Variants in DYNC2H1 observed in about 807,000 individuals in gnomAD.
DYNC2H1 encodes the protein cytoplasmic dynein 2 heavy chain 1.
In DYNC2H1, 410 loss-of-function variants were observed where a neutral mutation model predicts 570.0. That is an observed-to-expected ratio of 0.72 (90% confidence interval 0.66 to 0.78). The LOEUF (loss-of-function observed/expected upper bound fraction) is 0.78. Among genes scored for constraint, DYNC2H1 ranks in the 30% least tolerant of loss-of-function variants. DYNC2H1 has a pLI of 0.00. For missense variants in DYNC2H1, 4,865 were observed against 5,046.4 expected (o/e 0.96, Z 1.09); for synonymous variants, 1,688 against 1,677.6 (o/e 1.01, Z -0.15).
intron 83 of DYNC2H1, among the ~76,000 whole-genome samples, chr11:103,379,489 C>G (rs1305967275): frequency 6.6e-6 from 1 of 152,036 alleles, no homozygotes; most frequent in East Asian, 1.9e-4. Context: ...TAGTTTTACC[C>G]CTCCCATTTT....
At chr11:103,474,076 T>C (rs1284502347) in intron 88 of DYNC2H1, 1 of 240,948 alleles carries the variant, frequency 4.2e-6, no homozygotes, top group African/African-American at 2.3e-5. Flanking sequence ...TTGTATGTTA[T>C]TTTTTTTCTT....
At chr11:103,180,288 G>GGA (rs1243825150) in intron 39 of DYNC2H1, among the ~76,000 whole-genome samples, 3 of 151,470 alleles carry the variant, frequency 2.0e-5, no homozygotes, top group East Asian at 3.9e-4. Context: ...ACGCACCTGA[G>GGA]GAGAGAGAGA....
chr11:103,323,469 TAA>T (rs35935109), intron 81 of DYNC2H1, among the ~76,000 whole-genome samples: 1 of 117,648 alleles, frequency 8.5e-6, no homozygotes, highest in Non-Finnish European at 2.0e-5. Context: ...CCTGAATATA[TAA>T]ATATATATAT....
chr11:103,471,552 G>A (rs1352324411), intron 88 of DYNC2H1, among the ~76,000 whole-genome samples: 2 of 152,160 alleles, frequency 1.3e-5, no homozygotes, highest in African/African-American at 4.8e-5. Context: ...TTGTGTGTGT[G>A]TAAAGTACCT....
chr11:103,343,440 T>G (rs1373575445), intron 82 of DYNC2H1, among the ~76,000 whole-genome samples: 2 of 143,638 alleles, frequency 1.4e-5, no homozygotes, highest in Non-Finnish European at 3.1e-5. Context: ...CAGGACTCTG[T>G]TCCTTTAGGC....
At chr11:103,230,679 T>C in intron 59 of DYNC2H1, among the ~76,000 whole-genome samples, 1 of 152,316 alleles carries the variant, frequency 6.6e-6, no homozygotes, top group East Asian at 1.9e-4. Flanking sequence ...GGCTCCTCTT[T>C]GTATAGGCAT....
Position 103,133,770 on chromosome 11 carries a change from A to T in DYNC2H1, c.2106+63A>T, listed in dbSNP as rs760462246. 2 of 1,436,554 alleles carry T rather than the reference A, an allele frequency of 1.4e-6. No individual in the cohort carries two copies. The highest frequency in any genetic ancestry group is 5.5e-5 in the Admixed American group (2 of 36,430). 89.0% of individuals were successfully genotyped at this position (1,436,554 alleles called of 1,614,324 possible). On this transcript the variant is annotated intron_variant, in intron 14 of 88. Coordinates refer to ENST00000375735, the MANE Select transcript of DYNC2H1 (RefSeq NM_001377.3). The surrounding 1 kb of genome is among the most constrained non-coding windows in gnomAD (Gnocchi z 4.8). ...ATATTATTTAAAAAGTCATTAAGAT[A>T]CAATTTTTAAAAACTTATTTTGAAA...
Position 103,215,805 on chromosome 11 carries a change from A to G in DYNC2H1, c.8779A>G (p.Thr2927Ala), listed in dbSNP as rs1312862591. Reference sequence around the variant, plus strand: ...TGGAGAACAAAGTGTGTTACTTAAAACGAAGCAAGATGAAGCAGATGCTGC... The same window carrying G: ...TGGAGAACAAAGTGTGTTACTTAAAGCGAAGCAAGATGAAGCAGATGCTGC... ...KAGEQSVLLK[T>A]KQDEADAALQ... The change falls in exon 55 of 89, where the codon ACG (threonine) becomes GCG (alanine). Residue 2927 changes from threonine (T) to alanine (A), a missense_variant. Transcript: ENST00000375735. 1.2e-6 allele frequency: 2 copies of G among 1,612,642 alleles called. No individual in the cohort carries two copies. The highest frequency in any genetic ancestry group is 1.7e-6 in the Non-Finnish European group (2 of 1,179,286).
At chr11:103,257,466 T>C (rs1004278188) in intron 68 of DYNC2H1, 142 bp from the exon 69 acceptor site, 3 of 780,566 alleles carry the variant, frequency 3.8e-6, no homozygotes, top group Non-Finnish European at 3.6e-6. Flanking sequence ...TGATTCATCA[T>C]CTTCATTTGT....
chr11:103,261,068 G>A lies in DYNC2H1; in HGVS notation c.10695+1091G>A, dbSNP rs1865262616. Among the ~76,000 whole-genome samples, 1 of 152,170 alleles carries A rather than the reference G, an allele frequency of 6.6e-6. No homozygotes were observed. The highest frequency in any genetic ancestry group is 1.5e-5 in the Non-Finnish European group (1 of 68,024). On this transcript the variant is annotated intron_variant, in intron 70 of 88. Transcript: ENST00000375735. The surrounding 1 kb of genome is among the most constrained non-coding windows in gnomAD (Gnocchi z 4.8). Reference sequence around the variant, plus strand: ...CTTAGAAAGTGTTGAAAAATATACAGTTAATGTATTTTTAGAACAGGATAG... The same window carrying A: ...CTTAGAAAGTGTTGAAAAATATACAATTAATGTATTTTTAGAACAGGATAG...
rs537890566 is a variant in DYNC2H1 at position 103,455,173 on chromosome 11, T to C, written c.12457-13T>C. ...GTGTGTGTATTTATATGTTCATATT[T>C]CCCCCCCTCTAGAACTGGGTAGATA... On this transcript the variant is annotated splice_polypyrimidine_tract_variant and intron_variant, in intron 85 of 88. Coordinates refer to ENST00000375735, the MANE Select transcript of DYNC2H1 (RefSeq NM_001377.3). The C allele has an allele frequency of 1.6e-4, 258 of 1,595,518 alleles. 2 individuals are homozygous for C. The East Asian group carries it at 5.4e-3, about 33-fold the overall frequency.
At position 103,109,550 on chromosome 11, in the gene DYNC2H1, C is replaced by A; in HGVS notation, c.-25C>A. The A allele has an allele frequency of 6.2e-7, 1 of 1,608,414 alleles. No individual in the cohort carries two copies. Among genetic ancestry groups the A allele is most frequent in the Non-Finnish European group, 8.5e-7 (1 of 1,176,496 alleles). On this transcript the variant is annotated 5_prime_UTR_variant, in exon 1 of 89. Coordinates refer to ENST00000375735, the MANE Select transcript of DYNC2H1 (RefSeq NM_001377.3). ...GTTTCTTCTTCCTTCCCCCTTCCCC[C>A]AACTTCCCTCCACCCCTTCCAATCA...
chr11:103,160,698 T>C (rs1278451847), intron 28 of DYNC2H1, among the ~76,000 whole-genome samples: 1 of 151,980 alleles, frequency 6.6e-6, no homozygotes, highest in African/African-American at 2.4e-5. Context: ...CACATATAGA[T>C]AGATATTGAT....
chr11:103,339,647 G>GCAT (rs1939341401), intron 82 of DYNC2H1, among the ~76,000 whole-genome samples: 1 of 152,160 alleles, frequency 6.6e-6, no homozygotes, highest in African/African-American at 2.4e-5. Flanking sequence ...GAGAGGCGAT[G>GCAT]CATGTACTCT....
chr11:103,188,532 G>A lies in DYNC2H1; in HGVS notation c.7176G>A (p.Leu2392=). ...ATCAAGGATTTTATGATGAAAATTT[G>A]GAATGGGTTGGTCTAGAAAATATTC... is the stretch of plus-strand genomic sequence containing the variant. ...LTYQGFYDEN[L]EWVGLENIQI... The change falls in exon 44 of 89, where the codon TTG becomes TTA. Residue 2392 remains leucine, a synonymous_variant. Transcript: ENST00000375735. The A allele has an allele frequency of 1.9e-6, 3 of 1,607,482 alleles. No homozygotes were observed. Among genetic ancestry groups the A allele is most frequent in the Non-Finnish European group, 2.6e-6 (3 of 1,175,900 alleles).
chr11:103,306,216 T>C (rs954411924), intron 77 of DYNC2H1, among the ~76,000 whole-genome samples: 3 of 152,192 alleles, frequency 2.0e-5, no homozygotes, highest in African/African-American at 7.2e-5. Flanking sequence ...CCTAGCCTGA[T>C]AAATCATGTA....
At chr11:103,303,279 T>A in intron 76 of DYNC2H1, 26 bp downstream of exon 76, 2 of 1,595,264 alleles carry the variant, frequency 1.3e-6, no homozygotes, top group Admixed American at 3.4e-5. Context: ...CCCGCTGTTT[T>A]TGTTTTTGCT....
chr11:103,201,896 C>T lies in DYNC2H1; in HGVS notation c.8197+1742C>T, dbSNP rs769514240. On this transcript the variant is annotated intron_variant, in intron 50 of 88. Coordinates refer to ENST00000375735, the MANE Select transcript of DYNC2H1 (RefSeq NM_001377.3). The surrounding 1 kb of genome is among the most constrained non-coding windows in gnomAD (Gnocchi z 4.8). ...TTAAGTACAAAATAAACCTTAAAAACTAGTTTCAATTGTATGGGTGGTATC... is the reference window on the plus strand; with the variant it reads ...TTAAGTACAAAATAAACCTTAAAAATTAGTTTCAATTGTATGGGTGGTATC... Among the ~76,000 whole-genome samples the T allele has an allele frequency of 1.3e-5, 2 of 152,088 alleles. No individual in the cohort carries two copies. The highest frequency in any genetic ancestry group is 2.9e-5 in the Non-Finnish European group (2 of 68,022).
chr11:103,455,893 T>G (rs1944769489), intron 86 of DYNC2H1, among the ~76,000 whole-genome samples: 1 of 152,084 alleles, frequency 6.6e-6, no homozygotes. Flanking sequence ...TCAACAAAAT[T>G]TAGTTGTTTA....
Sources: gnomAD v4.1 joint callset for allele counts (sites outside exome capture counted in the v4.1 genomes callset) on GRCh38, gnomAD v4.1.1 for gene constraint, Gnocchi (gnomAD v3.1) non-coding constraint, MANE v1.5 for transcripts, NCBI Gene and HGNC (gene_info 2026-07-23, HGNC 2026-07-21) for gene names.